The following TRIM26 variants were observed in gnomAD, a reference collection of about 807,000 sequenced individuals.
TRIM26 encodes tripartite motif containing 26, also known as tripartite motif-containing protein 26.
In TRIM26, 16 loss-of-function variants were observed where a neutral mutation model predicts 45.5. That is an observed-to-expected ratio of 0.35 (90% CI 0.24 to 0.53). TRIM26 has a LOEUF of 0.53. Ranked by LOEUF, TRIM26 falls within the 20% of genes least tolerant of loss-of-function variation. TRIM26 has a pLI of 0.92. For missense variants in TRIM26, 442 were observed against 691.1 expected (o/e 0.64, Z 4.04); for synonymous variants, 273 against 290.4 (o/e 0.94, Z 0.61).
intron 1 of TRIM26, among the ~76,000 whole-genome samples, chr6:30,211,405 A>G (rs1778274095): frequency 6.6e-6 from 1 of 151,950 alleles, no homozygotes; most frequent in African/African-American, 2.4e-5. Flanking sequence ...TTCTATTCTG[A>G]TCCTGGGGGG....
chr6:30,197,075 A>G (rs1422124600), intron 5 of TRIM26, among the ~76,000 whole-genome samples: 5 of 152,076 alleles, frequency 3.3e-5, no homozygotes, highest in African/African-American at 1.2e-4. Flanking sequence ...GAGCCGACGC[A>G]CTTTTCCCTC....
intron 2 of TRIM26, among the ~76,000 whole-genome samples, chr6:30,204,279 C>G: frequency 6.6e-6 from 1 of 152,158 alleles, no homozygotes; most frequent in Non-Finnish European, 1.5e-5. Flanking sequence ...TCTTCCCTAC[C>G]CAGGCACACT....
chr6:30,198,993 G>A lies in TRIM26; in HGVS notation c.111C>T (p.Arg37=), dbSNP rs572753924. 49 of 1,612,386 alleles carry A rather than the reference G, an allele frequency of 3.0e-5. No homozygotes were observed. In the East Asian group the frequency reaches 9.6e-4, roughly 32 times the overall value. ...TGGGGCGGACGTCTGTGGTGCAGCTGCGGCAGAAGACGTGGCCACAGTCAA... is the reference window on the plus strand; with the variant it reads ...TGGGGCGGACGTCTGTGGTGCAGCTACGGCAGAAGACGTGGCCACAGTCAA... ...VTIDCGHVFC[R]SCTTDVRPIS... Residue 37 remains arginine, a synonymous_variant, in exon 4 of 10, where the codon CGC becomes CGT. Coordinates refer to ENST00000454678, the MANE Select transcript of TRIM26 (RefSeq NM_003449.5). The surrounding 1 kb of genome is among the most constrained non-coding windows in gnomAD (Gnocchi z 6.3).
At chr6:30,199,288 C>T (rs974309649) in intron 3 of TRIM26, 24 bp from the exon 4 acceptor site, 12 of 533,302 alleles carry the variant, frequency 2.3e-5, no homozygotes, top group African/African-American at 9.4e-5. Context: ...ACAATGTCAA[C>T]GAGAAGAGGA....
Position 30,199,180 on chromosome 6 carries a change from G to A in TRIM26, c.-77C>T. 1 of 1,450,648 alleles carries A rather than the reference G, an allele frequency of 6.9e-7. No individual in the cohort carries two copies. The highest frequency in any genetic ancestry group is 9.2e-7 in the Non-Finnish European group (1 of 1,085,358). The allele number at this position is 1,450,648 out of a possible 1,614,324, so 89.9% of individuals were successfully genotyped here. On this transcript the variant is annotated 5_prime_UTR_variant, in exon 4 of 10. Coordinates refer to ENST00000454678, the MANE Select transcript of TRIM26 (RefSeq NM_003449.5). ...TTGGAGACGCGACATAGAGTCAGGAGCAAGCACAGTAAAGGGGCAAAGGTG... is the reference window on the plus strand; with the variant it reads ...TTGGAGACGCGACATAGAGTCAGGAACAAGCACAGTAAAGGGGCAAAGGTG...
Position 30,186,749 on chromosome 6 carries a change from A to C in TRIM26, c.938-191T>G. The C allele has an allele frequency of 1.0e-6, 1 of 999,692 alleles. No homozygotes were observed. Among genetic ancestry groups the C allele is most frequent in the Non-Finnish European group, 1.5e-6 (1 of 675,168 alleles). 61.9% of individuals were successfully genotyped at this position (999,692 alleles called of 1,614,324 possible). The stretch of plus-strand genomic sequence containing the variant: ...TTCTGGCTTTGTATTCTGCTAAATC[A>C]CCATAACTAAACTGCTTTATAAACA... On this transcript the variant is annotated intron_variant, in intron 9 of 9. Transcript: ENST00000454678. This position sits in a 1 kb window ranked among gnomAD's most constrained non-coding sequence, Gnocchi z 7.4.
Position 30,196,477 on chromosome 6 carries a change from T to C in TRIM26, c.765+39A>G. The C allele has an allele frequency of 6.3e-7, 1 of 1,587,852 alleles. No homozygotes were observed. Among genetic ancestry groups the C allele is most frequent in the Non-Finnish European group, 8.6e-7 (1 of 1,169,068 alleles). On this transcript the variant is annotated intron_variant, in intron 6 of 9. Coordinates refer to ENST00000454678, the MANE Select transcript of TRIM26 (RefSeq NM_003449.5). This position sits in a 1 kb window ranked among gnomAD's most constrained non-coding sequence, Gnocchi z 4.9. Reference sequence around the variant, plus strand: ...TGAATGGCAGGGCTGGGACCCACCGTCCTGGTCCCTGGCGCCCTGCCCAGG... The same window carrying C: ...TGAATGGCAGGGCTGGGACCCACCGCCCTGGTCCCTGGCGCCCTGCCCAGG...
In TRIM26 at chr6:30,196,569, C is replaced by A; in HGVS notation, c.712G>T (p.Val238Phe). ...GVGELARLAL[V>F]ISELEGKAQQ... ...GCCTTGCCCTCCAGTTCGGAGATGA[C>A]CAGGGCCAGCCGGGCAAGCTCCCCG... The change falls in exon 6 of 10, where the codon GTC becomes TTC. Residue 238 changes from valine (V) to phenylalanine (F), a missense_variant. Physicochemically the swap from Val to Phe is conservative, Grantham distance 50. Coordinates refer to ENST00000454678, the MANE Select transcript of TRIM26 (RefSeq NM_003449.5). The surrounding 1 kb of genome is among the most constrained non-coding windows in gnomAD (Gnocchi z 4.9). The A allele has an allele frequency of 6.2e-7, 1 of 1,612,228 alleles. No individual in the cohort carries two copies. The highest frequency in any genetic ancestry group is 1.1e-5 in the South Asian group (1 of 91,076).
rs1309793659 is a variant in TRIM26, at chr6:30,189,075, G to C, written c.937+92C>G. The C allele has an allele frequency of 1.4e-6, 2 of 1,414,284 alleles. No individual in the cohort carries two copies. The highest frequency in any genetic ancestry group is 1.9e-6 in the Non-Finnish European group (2 of 1,032,806). The allele number at this position is 1,414,284 out of a possible 1,614,324, so 87.6% of individuals were successfully genotyped here. Reference sequence around the variant, plus strand: ...GGAAATTCTTCCTGTTGCAAAAGGGGCTACCTGGGGGAAAAGTGAGCAGTC... The same window carrying C: ...GGAAATTCTTCCTGTTGCAAAAGGGCCTACCTGGGGGAAAAGTGAGCAGTC... On this transcript the variant is annotated intron_variant, in intron 9 of 9. Transcript: ENST00000454678. The surrounding 1 kb of genome is among the most constrained non-coding windows in gnomAD (Gnocchi z 5.0).
Position 30,185,744 on chromosome 6 carries a change from G to T in TRIM26, c.*132C>A. 1.0e-6 allele frequency: 1 copy of T among 972,778 alleles called. No homozygotes were observed. The highest frequency in any genetic ancestry group is 1.5e-6 in the Non-Finnish European group (1 of 661,380). The allele number at this position is 972,778 out of a possible 1,614,324, so 60.3% of individuals were successfully genotyped here. On this transcript the variant is annotated 3_prime_UTR_variant, in exon 10 of 10. Transcript: ENST00000454678. The surrounding 1 kb of genome is among the most constrained non-coding windows in gnomAD (Gnocchi z 5.7). ...TTTCAGGGGGCCACAGCAATGGGGA[G>T]GTGGCTACCAGTGGATATGGGGTCC...
At position 30,185,553 on chromosome 6, in the gene TRIM26, G is replaced by A; in HGVS notation, c.*323C>T. 2.7e-6 allele frequency: 1 copy of A among 376,686 alleles called. No individual in the cohort carries two copies. The highest frequency in any genetic ancestry group is 4.7e-6 in the Non-Finnish European group (1 of 211,470). The allele number at this position is 376,686 out of a possible 1,614,324, so 23.3% of individuals were successfully genotyped here. A position where few individuals can be genotyped will look rare whatever the true frequency, so the allele number is the denominator to read the frequency against. On this transcript the variant is annotated 3_prime_UTR_variant, in exon 10 of 10. Transcript: ENST00000454678. This position sits in a 1 kb window ranked among gnomAD's most constrained non-coding sequence, Gnocchi z 5.7. ...TTGCCACACTGGGCAAGAAAATGCT[G>A]CATCGGGCCCTTATTCCAGAGAGTG... is the stretch of plus-strand genomic sequence containing the variant.
intron 6 of TRIM26, among the ~76,000 whole-genome samples, chr6:30,192,446 C>T (rs1200156211): frequency 6.6e-6 from 1 of 152,284 alleles, no homozygotes; most frequent in East Asian, 1.9e-4. Flanking sequence ...ATGCTCCCAG[C>T]CCATAGGTTT....
rs138934234 is a variant in TRIM26, at chr6:30,196,886, C to T, written c.535-140G>A. ...ACAGGATCTGGAGTGGGAGGAGCTACAGAGGGTTCCTGGTCCACACTCCGC... is the reference window on the plus strand; with the variant it reads ...ACAGGATCTGGAGTGGGAGGAGCTATAGAGGGTTCCTGGTCCACACTCCGC... On this transcript the variant is annotated intron_variant, in intron 5 of 9. Coordinates refer to ENST00000454678, the MANE Select transcript of TRIM26 (RefSeq NM_003449.5). The surrounding 1 kb of genome is among the most constrained non-coding windows in gnomAD (Gnocchi z 4.9). 1,788 of 762,638 alleles carry T rather than the reference C, an allele frequency of 2.3e-3. 7 individuals carry two copies. Among genetic ancestry groups the T allele is most frequent in the African/African-American group, 0.012 (680 of 57,270 alleles). 47.2% of individuals were successfully genotyped at this position (762,638 alleles called of 1,614,324 possible).
At position 30,207,081 on chromosome 6, in the gene TRIM26, G is replaced by A. The variant is rs1450179965; in HGVS notation, c.-375-2316C>T. On this transcript the variant is annotated intron_variant, in intron 1 of 9. Transcript: ENST00000454678. The surrounding 1 kb of genome is among the most constrained non-coding windows in gnomAD (Gnocchi z 4.9). ...GAGGAAATCATCCGCCGGAGAAAGG[G>A]TAGCGGTGAATTTGAGGAGCTGACA... 6.6e-6 allele frequency among the ~76,000 whole-genome samples: 1 copy of A among 152,204 alleles called. No individual in the cohort carries two copies. The highest frequency in any genetic ancestry group is 6.5e-5 in the Admixed American group (1 of 15,286).
At chr6:30,201,932 G>A (rs562449962) in intron 2 of TRIM26, among the ~76,000 whole-genome samples, 1 of 152,306 alleles carries the variant, frequency 6.6e-6, no homozygotes, top group East Asian at 1.9e-4. Context: ...TGGCTCAGCA[G>A]TTTTTCAGTT....
intron 1 of TRIM26, among the ~76,000 whole-genome samples, chr6:30,208,674 T>C (rs1367743108): frequency 6.6e-6 from 1 of 152,180 alleles, no homozygotes; most frequent in Non-Finnish European, 1.5e-5. Flanking sequence ...GTTTCCAGTT[T>C]GGGACAATTA....
rs1775101157 is a variant in TRIM26, at chr6:30,185,843, C to T, written c.*33G>A. The T allele has an allele frequency of 6.3e-7, 1 of 1,583,610 alleles. No individual in the cohort carries two copies. The highest frequency in any genetic ancestry group is 1.3e-5 in the African/African-American group (1 of 74,246). On this transcript the variant is annotated 3_prime_UTR_variant, in exon 10 of 10. Coordinates refer to ENST00000454678, the MANE Select transcript of TRIM26 (RefSeq NM_003449.5). This position sits in a 1 kb window ranked among gnomAD's most constrained non-coding sequence, Gnocchi z 5.7. ...CTGGAATTCCAAAGAAGTGAAGCAT[C>T]TGAGGGTTGGGGCTGGGGGCAGATG...
chr6:30,189,925 C>T lies in TRIM26; in HGVS notation c.788+88G>A. On this transcript the variant is annotated intron_variant, in intron 7 of 9. Transcript: ENST00000454678. The surrounding 1 kb of genome is among the most constrained non-coding windows in gnomAD (Gnocchi z 5.0). ...TGTGAGTACCTCTGGCACCATACCACTCCCCATGAATTCAAATGCACCTGG... is the reference window on the plus strand; with the variant it reads ...TGTGAGTACCTCTGGCACCATACCATTCCCCATGAATTCAAATGCACCTGG... 1 of 1,521,774 alleles carries T rather than the reference C, an allele frequency of 6.6e-7. No individual in the cohort carries two copies. The highest frequency in any genetic ancestry group is 2.3e-5 in the East Asian group (1 of 44,358). 94.3% of individuals were successfully genotyped at this position (1,521,774 alleles called of 1,614,324 possible). A position where few individuals can be genotyped will look rare whatever the true frequency, so the allele number is the denominator to read the frequency against.
In TRIM26 at chr6:30,185,911, T is replaced by C; in HGVS notation, c.1585A>G (p.Lys529Glu). The stretch of plus-strand genomic sequence containing the variant: ...AGCAGGAGGCGTGTTCCTGGCCACT[T>C]GAGCCACAGGAAGGGGACCAGGCGC... ...TRRLVPFLWL[K>E]WPGTRLLLRP The change falls in exon 10 of 10, where the codon AAG (lysine) becomes GAG (glutamate). Residue 529 changes from lysine (K) to glutamate (E), a missense_variant. By Grantham distance (56) the Lys-to-Glu change is moderately conservative. Transcript: ENST00000454678. This position sits in a 1 kb window ranked among gnomAD's most constrained non-coding sequence, Gnocchi z 5.7. 1 of 1,612,964 alleles carries C rather than the reference T, an allele frequency of 6.2e-7. No individual in the cohort carries two copies.
Sources: allele counts gnomAD v4.1 joint callset (sites outside exome capture counted in the v4.1 genomes callset), GRCh38; gene constraint gnomAD v4.1.1; non-coding constraint Gnocchi (gnomAD v3.1); transcripts MANE v1.5; gene names NCBI Gene and HGNC (gene_info 2026-07-23, HGNC 2026-07-21).